CDH12: variants seen among roughly 807,000 people sequenced by gnomAD.
CDH12 encodes the protein cadherin-12.
Under a neutral mutation model 74.1 loss-of-function variants are expected in CDH12, and 41 were observed. That is an observed-to-expected ratio of 0.55 (90% CI 0.43 to 0.72). The LOEUF (loss-of-function observed/expected upper bound fraction) is 0.72, where lower values mean the gene tolerates loss of function less well. Among genes scored for constraint, CDH12 ranks in the 30% least tolerant of loss-of-function variants. CDH12 has a pLI of 0.00. For synonymous variants in CDH12, 399 were observed against 355.0 expected (o/e 1.12, Z -1.39); for missense variants, 945 against 977.2 (o/e 0.97, Z 0.44).
intron 2 of CDH12, among the ~76,000 whole-genome samples, chr5:22,434,530 G>T (rs567920790): frequency 6.6e-6 from 1 of 152,108 alleles, no homozygotes; most frequent in South Asian, 2.1e-4. Context: ...ACTCCAAAAT[G>T]ATTTTCATAC....
chr5:22,319,086 C>T (rs1366304614), intron 3 of CDH12, among the ~76,000 whole-genome samples: 1 of 152,076 alleles, frequency 6.6e-6, no homozygotes, highest in Non-Finnish European at 1.5e-5. Flanking sequence ...TGTTATGTGA[C>T]AACAACCACC....
At chr5:21,904,344 C>T (rs1452006178) in intron 6 of CDH12, among the ~76,000 whole-genome samples, 2 of 152,018 alleles carry the variant, frequency 1.3e-5, no homozygotes, top group Non-Finnish European at 2.9e-5. Flanking sequence ...GGGGAGAGAA[C>T]ACAAGAGACA....
At chr5:22,526,848 T>C (rs1561468703) in intron 1 of CDH12, among the ~76,000 whole-genome samples, 1 of 152,144 alleles carries the variant, frequency 6.6e-6, no homozygotes. Flanking sequence ...ATAATATCCC[T>C]CACACTACAG....
At chr5:21,945,427 CAAAAAAAAAAA>C (rs1167475672) in intron 6 of CDH12, among the ~76,000 whole-genome samples, 24 of 15,528 alleles carry the variant, frequency 1.5e-3, no homozygotes, top group Admixed American at 3.8e-3. Flanking sequence ...CTGTTTCAGA[CAAAAAAAAAAA>C]AAAAAAAAAA....
At chr5:21,772,371 T>C (rs1410349374) in intron 11 of CDH12, among the ~76,000 whole-genome samples, 1 of 152,168 alleles carries the variant, frequency 6.6e-6, no homozygotes, top group African/African-American at 2.4e-5. Flanking sequence ...AGTTTTACCT[T>C]GTACTTATCC....
At chr5:22,671,227 C>G (rs953029364) in intron 1 of CDH12, among the ~76,000 whole-genome samples, 5 of 152,080 alleles carry the variant, frequency 3.3e-5, no homozygotes, top group Non-Finnish European at 5.9e-5. Context: ...ATTCAACATT[C>G]CTCAAAATTT....
At chr5:22,367,431 G>A (rs986664331) in intron 3 of CDH12, among the ~76,000 whole-genome samples, 5 of 152,128 alleles carry the variant, frequency 3.3e-5, no homozygotes, top group Admixed American at 3.3e-4. Flanking sequence ...TCCCCCATTT[G>A]TGTTTCCACA....
chr5:22,016,014 T>C lies in CDH12; in HGVS notation c.232-40629A>G, dbSNP rs528858794. Reference sequence around the variant, plus strand: ...CTTATTAAGTAGGACAGCATCATAGTTACACAATAATCTCTTTAGAAATAT... The same window carrying C: ...CTTATTAAGTAGGACAGCATCATAGCTACACAATAATCTCTTTAGAAATAT... On this transcript the variant is annotated intron_variant, in intron 5 of 14. Coordinates refer to ENST00000382254, the MANE Select transcript of CDH12 (RefSeq NM_004061.5). Among the ~76,000 whole-genome samples the C allele has an allele frequency of 2.0e-5, 3 of 151,846 alleles. No individual in the cohort carries two copies. In the South Asian group the frequency reaches 6.2e-4, roughly 31 times the overall value.
intron 6 of CDH12, among the ~76,000 whole-genome samples, chr5:21,910,775 C>T (rs554799388): frequency 2.2e-3 from 330 of 151,858 alleles, no homozygotes; most frequent in Non-Finnish European, 3.5e-3. Context: ...ATTCCATAAA[C>T]CACTCACTAA....
intron 8 of CDH12, among the ~76,000 whole-genome samples, chr5:21,829,160 T>C (rs552769265): frequency 2.9e-4 from 44 of 152,234 alleles, no homozygotes; most frequent in Middle Eastern, 3.4e-3. Flanking sequence ...TCAGGTGTGG[T>C]AGTGCGTACC....
intron 1 of CDH12, among the ~76,000 whole-genome samples, chr5:22,659,552 A>C (rs1740237540): frequency 6.6e-6 from 1 of 152,238 alleles, no homozygotes; most frequent in South Asian, 2.1e-4. Flanking sequence ...AATTCTTTAT[A>C]ATTTAAAAAA....
chr5:22,466,092 C>G (rs1324777800), intron 2 of CDH12, among the ~76,000 whole-genome samples: 1 of 152,108 alleles, frequency 6.6e-6, no homozygotes, highest in Non-Finnish European at 1.5e-5. Flanking sequence ...AAGTAAGTGG[C>G]CATCTTACTT....
intron 1 of CDH12, among the ~76,000 whole-genome samples, chr5:22,754,264 A>T (rs2127040413): frequency 6.6e-6 from 1 of 152,332 alleles, no homozygotes; most frequent in South Asian, 2.1e-4. Context: ...ACAAGAGACG[A>T]CACTTTCGTG....
At chr5:22,032,370 C>G (rs1738876927) in intron 5 of CDH12, among the ~76,000 whole-genome samples, 1 of 151,964 alleles carries the variant, frequency 6.6e-6, no homozygotes, top group South Asian at 2.1e-4. Context: ...GCATTCTAGC[C>G]TTGATCCTTG....
chr5:22,715,790 G>C, intron 1 of CDH12, among the ~76,000 whole-genome samples: 1 of 140,680 alleles, frequency 7.1e-6, no homozygotes, highest in Non-Finnish European at 1.5e-5. Context: ...TACAGAGTGA[G>C]ATCCCATCTA....
At chr5:22,085,312 T>C (rs1052503921) in intron 4 of CDH12, among the ~76,000 whole-genome samples, 2 of 152,156 alleles carry the variant, frequency 1.3e-5, no homozygotes, top group Non-Finnish European at 2.9e-5. Context: ...GTTATTTATT[T>C]AAATGGGGAG....
intron 3 of CDH12, among the ~76,000 whole-genome samples, chr5:22,284,380 T>A (rs1737046151): frequency 6.6e-6 from 1 of 152,132 alleles, no homozygotes; most frequent in South Asian, 2.1e-4. Context: ...ACAGTCAGGA[T>A]GTTATCCAGG....
intron 5 of CDH12, among the ~76,000 whole-genome samples, chr5:22,039,658 G>C (rs6861627): frequency 0.32 from 47,932 of 151,840 alleles, 9,129 homozygotes; most frequent in African/African-American, 0.54. Flanking sequence ...CTTACTACCA[G>C]CACTGTTGCC....
intron 1 of CDH12, among the ~76,000 whole-genome samples, chr5:22,759,862 AGAG>A (rs913543456): frequency 3.3e-5 from 5 of 152,198 alleles, no homozygotes; most frequent in African/African-American, 9.6e-5. Context: ...CTGGGAACTC[AGAG>A]AAGAACTGAT....
Sources: allele counts gnomAD v4.1 joint callset (sites outside exome capture counted in the v4.1 genomes callset), GRCh38; gene constraint gnomAD v4.1.1; transcripts MANE v1.5; gene names NCBI Gene and HGNC (gene_info 2026-07-23, HGNC 2026-07-21).